Variants in ZC3H11A observed in about 807,000 individuals in gnomAD.
ZC3H11A encodes the protein zinc finger CCCH domain-containing protein 11A.
ZC3H11A carries 22 observed loss-of-function variants against 90.8 expected under a neutral mutation model. The observed-to-expected ratio is 0.24, with a 90% CI of 0.17 to 0.35. The LOEUF (loss-of-function observed/expected upper bound fraction) is 0.35. Ranked by LOEUF, ZC3H11A falls within the 10% of genes least tolerant of loss-of-function variation. The pLI is 1.00. For missense variants in ZC3H11A, 701 were observed against 964.9 expected, an observed-to-expected ratio of 0.73 and a Z score of 3.62; for synonymous variants, 294 against 339.8, an observed-to-expected ratio of 0.87 and a Z score of 1.48.
In ZC3H11A at chr1:203,833,831, G is replaced by A; in HGVS notation, c.852G>A (p.Leu284=). Residue 284 remains leucine (L), a synonymous_variant, in exon 10 of 18, where the codon CTG becomes CTA. Coordinates refer to ENST00000367210, the MANE Select transcript of ZC3H11A (RefSeq NM_001376342.1). ...PLVRLSLTER[L]GKRKFSAGGD... ...TTAGATTGAGTCTTACTGAGAGACT[G>A]GGGAAACGAAAATTTTCAGCAGGTA... 1.2e-6 allele frequency: 2 copies of A among 1,610,130 alleles called. No homozygotes were observed. Among genetic ancestry groups the A allele is most frequent in the African/African-American group, 1.3e-5 (1 of 74,820 alleles).
chr1:203,839,845 C>A (rs1171264460), intron 11 of ZC3H11A, among the ~76,000 whole-genome samples: 1 of 152,010 alleles, frequency 6.6e-6, no homozygotes, highest in Non-Finnish European at 1.5e-5. Context: ...ACTCTGTCAC[C>A]CAGACTGGAG....
chr1:203,823,815 C>T (rs558668585), intron 4 of ZC3H11A, among the ~76,000 whole-genome samples: 1 of 152,314 alleles, frequency 6.6e-6, no homozygotes, highest in East Asian at 1.9e-4. Context: ...AATAACCTAA[C>T]TATCCTTCAT....
intron 2 of ZC3H11A, among the ~76,000 whole-genome samples, chr1:203,810,758 A>G (rs1032059032): frequency 1.3e-5 from 2 of 152,056 alleles, no homozygotes; most frequent in African/African-American, 4.8e-5. Context: ...CTGTTGAAAC[A>G]TTAGTAAGGG....
intron 2 of ZC3H11A, among the ~76,000 whole-genome samples, chr1:203,805,401 G>C (rs1671983132): frequency 6.6e-6 from 1 of 152,062 alleles, no homozygotes; most frequent in African/African-American, 2.4e-5. Context: ...AAAGTGCTGG[G>C]ATTACAGGTG....
At chr1:203,820,176 A>C (rs1678044325) in intron 4 of ZC3H11A, among the ~76,000 whole-genome samples, 1 of 151,544 alleles carries the variant, frequency 6.6e-6, no homozygotes. Context: ...CGGAGGTTGC[A>C]CTGAGCTGAG....
chr1:203,836,797 A>G (rs1684493912), intron 10 of ZC3H11A, among the ~76,000 whole-genome samples: 1 of 151,908 alleles, frequency 6.6e-6, no homozygotes, highest in Non-Finnish European at 1.5e-5. Flanking sequence ...AGAATTAGGA[A>G]ACTTGATTTA....
intron 4 of ZC3H11A, among the ~76,000 whole-genome samples, chr1:203,822,059 A>G (rs760487809): frequency 2.6e-5 from 4 of 152,028 alleles, no homozygotes; most frequent in African/African-American, 9.7e-5. Context: ...GCCTGGCCCT[A>G]TGTATTTAAT....
chr1:203,841,870 C>T (rs1686376428), intron 12 of ZC3H11A, among the ~76,000 whole-genome samples: 1 of 145,198 alleles, frequency 6.9e-6, no homozygotes. Flanking sequence ...GGAGGGGCTC[C>T]TCACTTCTCA....
At chr1:203,819,969 G>C (rs549567717) in intron 4 of ZC3H11A, among the ~76,000 whole-genome samples, 4 of 150,936 alleles carry the variant, frequency 2.7e-5, no homozygotes, top group African/African-American at 9.7e-5. Context: ...GGGCTCAGTG[G>C]CTCACGCCTG....
intron 11 of ZC3H11A, among the ~76,000 whole-genome samples, chr1:203,839,078 G>T (rs138180837): frequency 6.6e-6 from 1 of 152,290 alleles, no homozygotes; most frequent in East Asian, 1.9e-4. Context: ...GGGCAAGCAT[G>T]CTGGCGTGGA....
Position 203,828,388 on chromosome 1 carries a change from A to G in ZC3H11A, c.264A>G (p.Arg88=). 6.2e-7 allele frequency: 1 copy of G among 1,613,888 alleles called. No individual in the cohort carries two copies. Among genetic ancestry groups the G allele is most frequent in the Non-Finnish European group, 8.5e-7 (1 of 1,179,888 alleles). ...GCGCTTTCCATCACAATAGAGGACG[A>G]TATGTTGATGGCCTTTTCCTACCTC... ...LNCAFHHNRG[R]YVDGLFLPPS... The change falls in exon 5 of 18, where the codon CGA becomes CGG. Residue 88 remains arginine, a synonymous_variant. Coordinates refer to ENST00000367210, the MANE Select transcript of ZC3H11A (RefSeq NM_001376342.1).
At chr1:203,830,038 C>A (rs1681757159) in intron 7 of ZC3H11A, 85 bp from the exon 8 acceptor site, 2 of 1,340,856 alleles carry the variant, frequency 1.5e-6, no homozygotes, top group African/African-American at 2.9e-5. Context: ...ATCATTTATT[C>A]AAAAATAAAT....
Position 203,850,040 on chromosome 1 carries a change from T to C in ZC3H11A, c.1939+14T>C. On this transcript the variant is annotated intron_variant, in intron 15 of 17. Coordinates refer to ENST00000367210, the MANE Select transcript of ZC3H11A (RefSeq NM_001376342.1). The stretch of plus-strand genomic sequence containing the variant: ...AAAGGGGTAAAGGCAAGTATTTCTA[T>C]ACTGTGTATTGCTTTAGGTTATCAA... 2 of 1,613,326 alleles carry C rather than the reference T, an allele frequency of 1.2e-6. No homozygotes were observed. The highest frequency in any genetic ancestry group is 1.7e-6 in the Non-Finnish European group (2 of 1,179,680).
chr1:203,831,167 C>T (rs115854809), intron 8 of ZC3H11A, among the ~76,000 whole-genome samples: 3,697 of 151,868 alleles, frequency 0.024, 59 homozygotes, highest in South Asian at 0.042. Context: ...TGGTCTCGAA[C>T]TCCCAACCTC....
chr1:203,818,486 T>TA (rs1443830193), intron 3 of ZC3H11A, 84 bp from the exon 4 acceptor site: 62 of 1,581,586 alleles, frequency 3.9e-5, no homozygotes, highest in Non-Finnish European at 5.0e-5. Flanking sequence ...TGTGCTTGTC[T>TA]AAATTCCAGG....
intron 12 of ZC3H11A, among the ~76,000 whole-genome samples, chr1:203,846,084 C>G (rs1687808672): frequency 7.1e-6 from 1 of 140,912 alleles, no homozygotes; most frequent in Non-Finnish European, 1.5e-5. Flanking sequence ...TGGAGACCAG[C>G]CTGGGCCACA....
chr1:203,799,362 C>G (rs1669795175), intron 1 of ZC3H11A: 1 of 704,166 alleles, frequency 1.4e-6, no homozygotes, highest in Non-Finnish European at 2.6e-6. Flanking sequence ...GAAAACTTGT[C>G]ATCATTTTAG....
intron 10 of ZC3H11A, among the ~76,000 whole-genome samples, chr1:203,834,732 C>G (rs1683680373): frequency 6.6e-6 from 1 of 152,240 alleles, no homozygotes; most frequent in Non-Finnish European, 1.5e-5. Flanking sequence ...TCACTGCAAC[C>G]TCCACCTCCT....
chr1:203,805,456 G>T (rs1672001665), intron 2 of ZC3H11A, among the ~76,000 whole-genome samples: 1 of 152,012 alleles, frequency 6.6e-6, no homozygotes, highest in Non-Finnish European at 1.5e-5. Flanking sequence ...TACAAAGAAA[G>T]CATTTCCCAA....
Sources: allele counts gnomAD v4.1 joint callset (sites outside exome capture counted in the v4.1 genomes callset), GRCh38; gene constraint gnomAD v4.1.1; transcripts MANE v1.5; gene names NCBI Gene and HGNC (gene_info 2026-07-23, HGNC 2026-07-21).